Variants in VWC2 observed in about 807,000 individuals in gnomAD.
VWC2 encodes brorin.
In VWC2, 14 loss-of-function variants were observed where a neutral mutation model predicts 29.8. That is an observed-to-expected ratio of 0.47 (90% CI 0.31 to 0.74). The LOEUF (loss-of-function observed/expected upper bound fraction) is 0.74, where lower values mean the gene tolerates loss of function less well. VWC2 is among the 30% of genes least tolerant of loss of function. The pLI is 0.05. For synonymous variants in VWC2, 213 were observed against 199.0 expected, an observed-to-expected ratio of 1.07 and a Z score of -0.59; for missense variants, 457 against 459.8, an observed-to-expected ratio of 0.99 and a Z score of 0.05.
chr7:49,910,435 G>C (rs1276263280), intron 3 of VWC2, among the ~76,000 whole-genome samples: 1 of 152,166 alleles, frequency 6.6e-6, no homozygotes, highest in Non-Finnish European at 1.5e-5. Flanking sequence ...GCAAAGAAGG[G>C]AGGAGAATGA....
At chr7:49,797,867 A>G (rs1410404928) in intron 2 of VWC2, among the ~76,000 whole-genome samples, 1 of 152,170 alleles carries the variant, frequency 6.6e-6, no homozygotes, top group Non-Finnish European at 1.5e-5. Flanking sequence ...CTACACATCT[A>G]AATTCTATCC....
intron 3 of VWC2, among the ~76,000 whole-genome samples, chr7:49,905,876 T>C (rs1793059794): frequency 6.6e-6 from 1 of 151,914 alleles, no homozygotes; most frequent in Non-Finnish European, 1.5e-5. Flanking sequence ...GCCATGAGAG[T>C]GACCTCTAGT....
rs375598863 is a variant in VWC2 at position 49,832,203 on chromosome 7, T to G, written c.826+29363T>G. Among the ~76,000 whole-genome samples the G allele has an allele frequency of 5.3e-5, 8 of 152,288 alleles. 1 individual carries two copies. In the East Asian group the frequency reaches 7.7e-4, roughly 15 times the overall value. On this transcript the variant is annotated intron_variant, in intron 3 of 3. Coordinates refer to ENST00000340652, the MANE Select transcript of VWC2 (RefSeq NM_198570.5). ...AAGTCATATGAGAGGGGTGAGTCTTTGCTGTAAGCTGTTTTTAGGGATACA... is the reference window on the plus strand; with the variant it reads ...AAGTCATATGAGAGGGGTGAGTCTTGGCTGTAAGCTGTTTTTAGGGATACA...
rs144485262 is a variant in VWC2 at position 49,899,447 on chromosome 7, C to A, written c.827-12587C>A. Among the ~76,000 whole-genome samples, 267 of 152,094 alleles carry A rather than the reference C, an allele frequency of 1.8e-3. 3 individuals are homozygous for A. Among genetic ancestry groups the A allele is most frequent in the African/African-American group, 6.0e-3 (250 of 41,508 alleles). On this transcript the variant is annotated intron_variant, in intron 3 of 3. Coordinates refer to ENST00000340652, the MANE Select transcript of VWC2 (RefSeq NM_198570.5). Reference sequence around the variant, plus strand: ...AAGCAAAACTGTGGATAAAAAGGGACTACTATATAGCTTCAAAGTAAATGG... The same window carrying A: ...AAGCAAAACTGTGGATAAAAAGGGAATACTATATAGCTTCAAAGTAAATGG...
intron 3 of VWC2, among the ~76,000 whole-genome samples, chr7:49,871,211 AT>A (rs1434118851): frequency 2.0e-5 from 3 of 152,218 alleles, no homozygotes; most frequent in African/African-American, 7.2e-5. Context: ...TATTGTTGGT[AT>A]CTTAATGAGG....
intron 3 of VWC2, among the ~76,000 whole-genome samples, chr7:49,850,928 C>A (rs4917094): frequency 0.66 from 99,956 of 152,112 alleles, 34,079 homozygotes; most frequent in East Asian, 0.88. Context: ...GCACCAGGCT[C>A]CATTAGCTCC....
At chr7:49,855,591 C>T (rs565441135) in intron 3 of VWC2, among the ~76,000 whole-genome samples, 5 of 152,204 alleles carry the variant, frequency 3.3e-5, no homozygotes, top group South Asian at 4.1e-4. Context: ...AGGTAGGTAG[C>T]GTCCCTTTAA....
intron 3 of VWC2, among the ~76,000 whole-genome samples, chr7:49,876,102 TAATCCTAAAGAAAG>T (rs1240431263): frequency 6.6e-6 from 1 of 152,202 alleles, no homozygotes; most frequent in Non-Finnish European, 1.5e-5. Context: ...TTCTGGAAGC[TAATCCTAAAGAAAG>T]GATCCAAAAT....
At chr7:49,883,066 CAG>C in intron 3 of VWC2, among the ~76,000 whole-genome samples, 1 of 152,086 alleles carries the variant, frequency 6.6e-6, no homozygotes, top group Admixed American at 6.6e-5. Flanking sequence ...TCCTTTGAGA[CAG>C]AGAAGCCAAG....
At chr7:49,813,031 A>G (rs1425987368) in intron 3 of VWC2, among the ~76,000 whole-genome samples, 1 of 152,202 alleles carries the variant, frequency 6.6e-6, no homozygotes, top group Non-Finnish European at 1.5e-5. Context: ...TTCCTTGTGC[A>G]TAACGTGGAA....
intron 3 of VWC2, among the ~76,000 whole-genome samples, chr7:49,821,339 G>A (rs1789257437): frequency 6.6e-6 from 1 of 152,196 alleles, no homozygotes; most frequent in South Asian, 2.1e-4. Flanking sequence ...AATAGTTACA[G>A]TAAGAAGAGG....
At chr7:49,854,255 G>A (rs1583684013) in intron 3 of VWC2, among the ~76,000 whole-genome samples, 1 of 152,020 alleles carries the variant, frequency 6.6e-6, no homozygotes, top group East Asian at 1.9e-4. Context: ...GGGTCAAATG[G>A]TATTTCTAGT....
intron 2 of VWC2, among the ~76,000 whole-genome samples, chr7:49,781,990 T>C (rs1190682047): frequency 1.3e-5 from 2 of 152,162 alleles, no homozygotes; most frequent in Admixed American, 1.3e-4. Context: ...ATCAGACCCA[T>C]GTGGGGCAAC....
chr7:49,845,738 C>G (rs1317279563), intron 3 of VWC2, among the ~76,000 whole-genome samples: 1 of 152,194 alleles, frequency 6.6e-6, no homozygotes, highest in African/African-American at 2.4e-5. Flanking sequence ...AAGAGCACTT[C>G]CCAGTACAAA....
intron 3 of VWC2, among the ~76,000 whole-genome samples, chr7:49,875,314 G>A (rs1791355167): frequency 8.7e-6 from 1 of 114,288 alleles, no homozygotes. Flanking sequence ...AGGTTGCAGT[G>A]AGCCAAGATC....
intron 3 of VWC2, among the ~76,000 whole-genome samples, chr7:49,871,010 A>G (rs1321029643): frequency 2.0e-5 from 3 of 152,342 alleles, no homozygotes; most frequent in African/African-American, 7.2e-5. Context: ...CATGCTAAAA[A>G]ATGCAAAACC....
In VWC2 at chr7:49,855,306, T is replaced by C. The variant is rs537042917; in HGVS notation, c.826+52466T>C. On this transcript the variant is annotated intron_variant, in intron 3 of 3. Coordinates refer to ENST00000340652, the MANE Select transcript of VWC2 (RefSeq NM_198570.5). ...CGGTGTAGTCTCTTTCTTAGTGAAG[T>C]TTCATGATCTTCCTTATGATCACTG... Among the ~76,000 whole-genome samples, 481 of 152,132 alleles carry C rather than the reference T, an allele frequency of 3.2e-3. 1 individual carries two copies. The highest frequency in any genetic ancestry group is 4.0e-3 in the Non-Finnish European group (275 of 67,986).
chr7:49,877,481 A>AAAAAATATACATATAT lies in VWC2; in HGVS notation c.827-34552_827-34551insAAAATATACATATATA. On this transcript the variant is annotated intron_variant, in intron 3 of 3. Transcript: ENST00000340652. ...CTGTCTCAAAAAAAAAAAAAAAAAA[A>AAAAAATATACATATAT]ATATATATATATATATATATATATA... Among the ~76,000 whole-genome samples, 56 of 12,726 alleles carry AAAAAATATACATATAT rather than the reference A, an allele frequency of 4.4e-3. 18 individuals are homozygous for AAAAAATATACATATAT. The highest frequency in any genetic ancestry group is 0.05 in the Middle Eastern group (1 of 20). The allele number at this position is 12,726 out of a possible 152,430, so 8.3% of individuals were successfully genotyped here.
chr7:49,902,864 C>T (rs1383579944), intron 3 of VWC2, among the ~76,000 whole-genome samples: 1 of 151,930 alleles, frequency 6.6e-6, no homozygotes, highest in African/African-American at 2.4e-5. Flanking sequence ...ATTTGTAAAC[C>T]ACATGTCTGA....
Sources: gnomAD v4.1 joint callset for allele counts (sites outside exome capture counted in the v4.1 genomes callset) on GRCh38, gnomAD v4.1.1 for gene constraint, MANE v1.5 for transcripts, NCBI Gene and HGNC (gene_info 2026-07-23, HGNC 2026-07-21) for gene names.